CCDC66: variants seen among roughly 807,000 people sequenced by gnomAD.
CCDC66 encodes the protein coiled-coil domain-containing protein 66.
CCDC66 carries 133 observed loss-of-function variants against 128.3 expected under a neutral mutation model. The ratio of observed to expected loss-of-function variants is 1.04; its 90% CI spans 0.90 to 1.20. The LOEUF is 1.20. Ranked by LOEUF, CCDC66 falls within the 50% of genes most tolerant of loss-of-function variation. The pLI, the probability that CCDC66 is intolerant of heterozygous loss-of-function variation, is 0.00. For missense variants in CCDC66, 1,126 were observed against 1,075.5 expected (o/e 1.05, Z -0.66); for synonymous variants, 387 against 357.0 (o/e 1.08, Z -0.95).
Position 56,571,484 on chromosome 3 carries a change from C to T in CCDC66, c.936+182C>T, listed in dbSNP as rs35689307. 0.039 allele frequency: 15,679 copies of T among 404,350 alleles called. 387 individuals are homozygous for T. The highest frequency in any genetic ancestry group is 0.065 in the South Asian group (2,226 of 34,136). 25.0% of individuals were successfully genotyped at this position (404,350 alleles called of 1,614,324 possible). On this transcript the variant is annotated intron_variant, in intron 7 of 17. Transcript: ENST00000394672. Reference sequence around the variant, plus strand: ...GCAACCTACCCCTCCCAGGCTCAAGCGATTCTCCTGCCTCAGCCTCCCGAG... The same window carrying T: ...GCAACCTACCCCTCCCAGGCTCAAGTGATTCTCCTGCCTCAGCCTCCCGAG...
chr3:56,591,637 G>A (rs1051054992), intron 7 of CCDC66, among the ~76,000 whole-genome samples: 1 of 152,188 alleles, frequency 6.6e-6, no homozygotes, highest in Non-Finnish European at 1.5e-5. Context: ...ATTTCTTGAG[G>A]TATAAAAATT....
chr3:56,618,029 AC>A, intron 14 of CCDC66, 142 bp from the exon 15 acceptor site: 1 of 696,958 alleles, frequency 1.4e-6, no homozygotes, highest in East Asian at 2.6e-5. Flanking sequence ...TCTGGAAAAA[AC>A]TATATCTATT....
intron 10 of CCDC66, among the ~76,000 whole-genome samples, chr3:56,600,370 A>C (rs1036409345): frequency 3.3e-5 from 5 of 151,810 alleles, no homozygotes; most frequent in Non-Finnish European, 7.4e-5. Flanking sequence ...GATGGTCTCA[A>C]TCTCCTGACC....
rs778901757 is a variant in CCDC66, at chr3:56,617,582, T to C, written c.2314T>C (p.Leu772=). Residue 772 remains leucine (L), a synonymous_variant, in exon 14 of 18, where the codon TTG becomes CTG. Coordinates refer to ENST00000394672, the MANE Select transcript of CCDC66 (RefSeq NM_001141947.3). ...HSSHQETESK[L]RWHLVKKEEE... ...ATCTCATCAAGAAACGGAGTCAAAG[T>C]TGAGGTGGCATCTAGTCAAAAAGGT... is the stretch of plus-strand genomic sequence containing the variant. 5.0e-6 allele frequency: 8 copies of C among 1,604,806 alleles called. No homozygotes were observed. In the South Asian group the frequency reaches 7.9e-5, roughly 16 times the overall value.
intron 6 of CCDC66, among the ~76,000 whole-genome samples, chr3:56,567,653 G>A (rs150175185): frequency 2.0e-5 from 3 of 152,084 alleles, no homozygotes; most frequent in African/African-American, 7.2e-5. Flanking sequence ...ATGGGAGGGG[G>A]AGGAGAGGCA....
chr3:56,597,671 G>A (rs186035598), intron 10 of CCDC66, among the ~76,000 whole-genome samples: 67 of 151,226 alleles, frequency 4.4e-4, no homozygotes, highest in Non-Finnish European at 5.9e-5. Flanking sequence ...CTCAGCTAGT[G>A]TATAGAAATG....
Position 56,593,952 on chromosome 3 carries a change from GT to G in CCDC66, c.1330del (p.Ser444LeufsTer2), listed in dbSNP as rs1559702976. On this transcript the variant is annotated frameshift_variant, in exon 10 of 18. Coordinates refer to ENST00000394672, the MANE Select transcript of CCDC66 (RefSeq NM_001141947.3). LOFTEE classifies it high-confidence loss of function. ...TGTATGTATCTTGCCAGCTTTCTCC[GT>G]TCTATGACTGCTCTCTTGGACCCAG... ...MANSKKTNFLRSMTALLDPAQ... is the reference protein window; with the variant it reads ...MANSKKTNFLXSMTALLDPAQ... The G allele has an allele frequency of 6.2e-7, 1 of 1,614,104 alleles. No homozygotes were observed. The highest frequency in any genetic ancestry group is 2.2e-5 in the East Asian group (1 of 44,884).
intron 10 of CCDC66, among the ~76,000 whole-genome samples, chr3:56,612,360 G>T (rs182542713): frequency 1.3e-5 from 2 of 152,154 alleles, no homozygotes; most frequent in Non-Finnish European, 1.5e-5. Flanking sequence ...GTAAAGTTTT[G>T]TTGTGAACGG....
intron 7 of CCDC66, among the ~76,000 whole-genome samples, chr3:56,573,911 T>TA (rs911039582): frequency 2.1e-4 from 16 of 75,394 alleles, no homozygotes; most frequent in South Asian, 8.3e-4. Flanking sequence ...TTTAAATAAC[T>TA]AAAAAAAAAC....
Position 56,585,750 on chromosome 3 carries a change from A to G in CCDC66, c.937-7220A>G, listed in dbSNP as rs1311615323. ...CTAAAATATTTAATGCCTAGACAAG[A>G]TGTTCATTTATAAAGAGAACATAGA... is the stretch of plus-strand genomic sequence containing the variant. On this transcript the variant is annotated intron_variant, in intron 7 of 17. Coordinates refer to ENST00000394672, the MANE Select transcript of CCDC66 (RefSeq NM_001141947.3). Among the ~76,000 whole-genome samples the G allele has an allele frequency of 4.6e-5, 7 of 151,956 alleles. 1 individual carries two copies. The East Asian group carries it at 1.2e-3, about 26-fold the overall frequency.
chr3:56,578,571 G>T (rs190705792), intron 7 of CCDC66, among the ~76,000 whole-genome samples: 2,991 of 151,852 alleles, frequency 0.02, 56 homozygotes, highest in African/African-American at 0.029. Context: ...TTATTATTTT[G>T]AGATACGTTC....
In CCDC66 at chr3:56,557,566, A is replaced by G. The variant is rs1035857345; in HGVS notation, c.11+313A>G. 7 of 385,480 alleles carry G rather than the reference A, an allele frequency of 1.8e-5. No homozygotes were observed. The Admixed American group carries it at 2.1e-4, about 12-fold the overall frequency. The allele number at this position is 385,480 out of a possible 1,614,324, so 23.9% of individuals were successfully genotyped here. ...GAGGAAAGGAGAGAAATGACGAGAC[A>G]GTTAGAGGAAGCGTGGCGGCTCCTG... is the stretch of plus-strand genomic sequence containing the variant. On this transcript the variant is annotated intron_variant, in intron 1 of 17. Transcript: ENST00000394672.
At chr3:56,599,207 A>G (rs899446783) in intron 10 of CCDC66, among the ~76,000 whole-genome samples, 1 of 151,934 alleles carries the variant, frequency 6.6e-6, no homozygotes, top group Admixed American at 6.6e-5. Flanking sequence ...GTCTGTGTGT[A>G]GTTGTTCATA....
intron 7 of CCDC66, among the ~76,000 whole-genome samples, chr3:56,589,603 G>T (rs1006597427): frequency 1.3e-5 from 2 of 151,992 alleles, no homozygotes; most frequent in Non-Finnish European, 2.9e-5. Context: ...AATAAAAGTG[G>T]CTAGACACAA....
chr3:56,582,481 C>T (rs558179203), intron 7 of CCDC66, among the ~76,000 whole-genome samples: 39 of 151,956 alleles, frequency 2.6e-4, no homozygotes, highest in South Asian at 1.0e-3. Flanking sequence ...GCATTGCTCA[C>T]GCTGGAAGCT....
rs775188198 is a variant in CCDC66, at chr3:56,593,947, T to C, written c.1323T>C (p.Phe441=). 9 of 1,614,040 alleles carry C rather than the reference T, an allele frequency of 5.6e-6. No individual in the cohort carries two copies. In the Middle Eastern group the frequency reaches 6.6e-4, roughly 118 times the overall value. The change falls in exon 10 of 18, where the codon TTT becomes TTC. Residue 441 remains phenylalanine, a synonymous_variant. Transcript: ENST00000394672. Reference sequence around the variant, plus strand: ...GCTAATGTATGTATCTTGCCAGCTTTCTCCGTTCTATGACTGCTCTCTTGG... The same window carrying C: ...GCTAATGTATGTATCTTGCCAGCTTCCTCCGTTCTATGACTGCTCTCTTGG... ...VVMANSKKTN[F]LRSMTALLDP... is the part of the protein sequence containing the mutation.
intron 7 of CCDC66, among the ~76,000 whole-genome samples, chr3:56,584,133 C>A (rs563658641): frequency 9.6e-6 from 1 of 104,584 alleles, no homozygotes; most frequent in African/African-American, 3.5e-5. Context: ...CCCTCCCGGA[C>A]GGGGCGGCTG....
chr3:56,586,183 G>T (rs77227148), intron 7 of CCDC66, among the ~76,000 whole-genome samples: 67 of 151,974 alleles, frequency 4.4e-4, no homozygotes, highest in Non-Finnish European at 7.1e-4. Flanking sequence ...CTCCATAAAG[G>T]CAGAGTTTAT....
At chr3:56,610,959 C>T (rs1271682013) in intron 10 of CCDC66, among the ~76,000 whole-genome samples, 2 of 152,144 alleles carry the variant, frequency 1.3e-5, no homozygotes, top group Admixed American at 1.3e-4. Context: ...AGTGCCTGTT[C>T]TGGTGGAGGT....
Sources: gnomAD v4.1 joint callset for allele counts (sites outside exome capture counted in the v4.1 genomes callset) on GRCh38, gnomAD v4.1.1 for gene constraint, MANE v1.5 for transcripts, NCBI Gene and HGNC (gene_info 2026-07-23, HGNC 2026-07-21) for gene names.